Variants in NRG3 observed in about 807,000 individuals in gnomAD.
The protein encoded by NRG3 is pro-neuregulin-3, membrane-bound isoform.
NRG3 carries 31 observed loss-of-function variants against 66.9 expected under a neutral mutation model. The ratio of observed to expected loss-of-function variants is 0.46; its 90% CI spans 0.35 to 0.63. NRG3 has a LOEUF of 0.63. NRG3 is among the 20% of genes least tolerant of loss of function. The probability of loss-of-function intolerance (pLI) is 0.00; values close to 1 mark genes in which losing one functional copy is unlikely to be tolerated. For missense variants in NRG3, 910 were observed against 878.9 expected (o/e 1.04, Z -0.45); for synonymous variants, 393 against 359.4 (o/e 1.09, Z -1.06).
At chr10:82,913,681 C>T (rs924940159) in intron 4 of NRG3, among the ~76,000 whole-genome samples, 1 of 152,070 alleles carries the variant, frequency 6.6e-6, no homozygotes, top group Admixed American at 6.6e-5. Flanking sequence ...ATACTTGGTT[C>T]TCTATAGGTG....
At chr10:82,817,742 G>A (rs1443836064) in intron 3 of NRG3, among the ~76,000 whole-genome samples, 5 of 152,162 alleles carry the variant, frequency 3.3e-5, no homozygotes, top group Non-Finnish European at 7.3e-5. Context: ...GTTTCCCTGG[G>A]GAGTTCTCTA....
chr10:82,795,934 CTTGT>C (rs1419654172), intron 3 of NRG3, among the ~76,000 whole-genome samples: 1 of 152,032 alleles, frequency 6.6e-6, no homozygotes, highest in Non-Finnish European at 1.5e-5. Context: ...CTCCCATAAT[CTTGT>C]TTAACAATTC....
At chr10:82,484,338 C>T (rs1010667381) in intron 2 of NRG3, among the ~76,000 whole-genome samples, 4 of 152,168 alleles carry the variant, frequency 2.6e-5, no homozygotes, top group African/African-American at 4.8e-5. Context: ...AAGATTTAAC[C>T]TCACTGAGCC....
chr10:81,878,111 C>T, intron 1 of NRG3: 2 of 1,507,636 alleles, frequency 1.3e-6, no homozygotes, highest in Non-Finnish European at 1.8e-6. Flanking sequence ...TATTTCTACC[C>T]CTCTATGCTC....
Position 82,623,265 on chromosome 10 carries a change from A to G in NRG3, c.954-115312A>G, listed in dbSNP as rs375909321. Among the ~76,000 whole-genome samples, 12 of 152,296 alleles carry G rather than the reference A, an allele frequency of 7.9e-5. No individual in the cohort carries two copies. The South Asian group carries it at 1.5e-3, about 18-fold the overall frequency. On this transcript the variant is annotated intron_variant, in intron 2 of 8. Transcript: ENST00000372141. ...AGGATTCTGAAGCTGAGGTGGTAACAGCTATATATCCTGCCAGAATTGGTC... is the reference window on the plus strand; with the variant it reads ...AGGATTCTGAAGCTGAGGTGGTAACGGCTATATATCCTGCCAGAATTGGTC...
intron 1 of NRG3, among the ~76,000 whole-genome samples, chr10:81,876,828 G>A (rs1021755049): frequency 2.6e-5 from 4 of 152,096 alleles, no homozygotes; most frequent in Non-Finnish European, 4.4e-5. Flanking sequence ...CCATTCCAAG[G>A]TGTAGACATA....
At chr10:82,810,292 T>TC (rs2061438706) in intron 3 of NRG3, among the ~76,000 whole-genome samples, 1 of 152,212 alleles carries the variant, frequency 6.6e-6, no homozygotes, top group Admixed American at 6.5e-5. Flanking sequence ...TTTTTATACT[T>TC]AAGTATAAAA....
intron 1 of NRG3, among the ~76,000 whole-genome samples, chr10:81,884,688 C>G (rs1338765290): frequency 6.6e-6 from 1 of 152,098 alleles, no homozygotes; most frequent in East Asian, 1.9e-4. Context: ...AATACCAGGC[C>G]ATTTTATGTA....
chr10:82,069,224 T>C (rs917712424), intron 1 of NRG3, among the ~76,000 whole-genome samples: 4 of 152,122 alleles, frequency 2.6e-5, no homozygotes, highest in African/African-American at 9.7e-5. Context: ...CATTGGAGTT[T>C]CTTAGAAGCT....
At chr10:82,466,264 A>G (rs1303507966) in intron 2 of NRG3, among the ~76,000 whole-genome samples, 1 of 152,150 alleles carries the variant, frequency 6.6e-6, no homozygotes, top group Non-Finnish European at 1.5e-5. Flanking sequence ...ACTGCCTGCC[A>G]GAGTCATGAA....
At chr10:82,809,273 T>G (rs1344602187) in intron 3 of NRG3, among the ~76,000 whole-genome samples, 2 of 152,188 alleles carry the variant, frequency 1.3e-5, no homozygotes, top group Admixed American at 1.3e-4. Flanking sequence ...CAGGGCATAT[T>G]AAACAAAGTA....
intron 3 of NRG3, among the ~76,000 whole-genome samples, chr10:82,816,336 C>T (rs2061702508): frequency 6.6e-6 from 1 of 152,246 alleles, no homozygotes; most frequent in South Asian, 2.1e-4. Flanking sequence ...AACAGAACAG[C>T]TCTCAGGAGA....
intron 1 of NRG3, among the ~76,000 whole-genome samples, chr10:82,324,803 A>G (rs1589724585): frequency 6.6e-6 from 1 of 152,214 alleles, no homozygotes; most frequent in Non-Finnish European, 1.5e-5. Flanking sequence ...TTTTAAATAT[A>G]TTGAAACTTG....
intron 1 of NRG3, among the ~76,000 whole-genome samples, chr10:81,888,155 C>A (rs556206182): frequency 6.6e-6 from 1 of 152,080 alleles, no homozygotes; most frequent in Admixed American, 6.5e-5. Context: ...CAAAGAGGGT[C>A]TTCCTGGCTT....
intron 2 of NRG3, among the ~76,000 whole-genome samples, chr10:82,456,001 T>A (rs920326668): frequency 6.6e-6 from 1 of 152,172 alleles, no homozygotes; most frequent in African/African-American, 2.4e-5. Flanking sequence ...ACATTTAAAC[T>A]TTTAAATTGT....
At chr10:82,197,532 T>C (rs2133426635) in intron 1 of NRG3, among the ~76,000 whole-genome samples, 1 of 152,340 alleles carries the variant, frequency 6.6e-6, no homozygotes, top group African/African-American at 2.4e-5. Flanking sequence ...TGTATTATGC[T>C]ATGTGATCTG....
At chr10:82,291,986 A>C (rs971405365) in intron 1 of NRG3, among the ~76,000 whole-genome samples, 3 of 152,206 alleles carry the variant, frequency 2.0e-5, no homozygotes, top group Non-Finnish European at 4.4e-5. Context: ...ACTTTATCAA[A>C]ATTTAAAATG....
At chr10:82,741,903 A>G (rs567429036) in intron 3 of NRG3, among the ~76,000 whole-genome samples, 4 of 152,166 alleles carry the variant, frequency 2.6e-5, no homozygotes, top group African/African-American at 9.7e-5. Flanking sequence ...CACAATTTTC[A>G]TATCTTAATG....
intron 1 of NRG3, among the ~76,000 whole-genome samples, chr10:82,028,938 G>A (rs997007131): frequency 6.6e-6 from 1 of 152,120 alleles, no homozygotes; most frequent in African/African-American, 2.4e-5. Context: ...TCCAGGTGCG[G>A]TGGCTCACAC....
Sources: gnomAD v4.1 joint callset for allele counts (sites outside exome capture counted in the v4.1 genomes callset) on GRCh38, gnomAD v4.1.1 for gene constraint, MANE v1.5 for transcripts, NCBI Gene and HGNC (gene_info 2026-07-23, HGNC 2026-07-21) for gene names.